Variants in BPIFB3 observed in about 807,000 individuals in gnomAD.
BPIFB3 encodes the protein BPI fold-containing family B member 3.
In BPIFB3, 49 loss-of-function variants were observed where a neutral mutation model predicts 53.1. The ratio of observed to expected loss-of-function variants is 0.92; its 90% CI spans 0.73 to 1.17. The LOEUF is 1.17. Among genes scored for constraint, BPIFB3 ranks in the 50% most tolerant of loss-of-function variants. The pLI, the probability that BPIFB3 is intolerant of heterozygous loss-of-function variation, is 0.00. For missense variants in BPIFB3, 628 were observed against 592.5 expected (o/e 1.06, Z -0.62); for synonymous variants, 271 against 269.6 (o/e 1.01, Z -0.05).
Position 33,060,033 on chromosome 20 carries a change from T to A in BPIFB3, c.527+2T>A. 6.2e-7 allele frequency: 1 copy of A among 1,613,494 alleles called. No homozygotes were observed. Among genetic ancestry groups the A allele is most frequent in the Non-Finnish European group, 8.5e-7 (1 of 1,179,712 alleles). On this transcript the variant is annotated splice_donor_variant, in intron 4 of 14. Transcript: ENST00000375494. LOFTEE classifies it high-confidence loss of function. ...GGGCCACATCAGCCTGTTCTCAGGG[T>A]GAGTCTGCAGGTTCCAGCCTGCAAC...
At chr20:33,064,737 C>T in exon 8 of BPIFB3, 1 of 1,614,166 alleles carries the variant, frequency 6.2e-7, no homozygotes, top group Non-Finnish European at 8.5e-7. Context: ...AGGTGCCCCC[C>T]AAGAAGGACC....
exon 2 of BPIFB3, chr20:33,056,698 G>A: frequency 6.3e-7 from 1 of 1,589,358 alleles, no homozygotes; most frequent in South Asian, 1.1e-5. Context: ...GAGCTCTCTG[G>A]GTGAGTCCCA....
chr20:33,069,042 T>C, intron 10 of BPIFB3, 69 bp downstream of exon 11: 2 of 1,518,150 alleles, frequency 1.3e-6, no homozygotes, highest in Non-Finnish European at 1.8e-6. Context: ...TCTCCAGGAC[T>C]GTGGAGGTAC....
chr20:33,071,176 ATGGTGGGGCAGGC>A (rs1980868958), intron 11 of BPIFB3, 64 bp from the exon 13 acceptor site: 3 of 1,049,536 alleles, frequency 2.9e-6, no homozygotes, highest in Non-Finnish European at 3.7e-6. Flanking sequence ...GATGAGAGCT[ATGGTGGGGCAGGC>A]TGGGGGTGGG....
exon 4 of BPIFB3, chr20:33,059,969 C>T: frequency 6.2e-7 from 1 of 1,614,162 alleles, no homozygotes; most frequent in Non-Finnish European, 8.5e-7. Flanking sequence ...GCTCAAGGGG[C>T]ACACCCATCC....
exon 7 of BPIFB3, chr20:33,064,489 G>A (rs1417570225): frequency 2.5e-6 from 4 of 1,614,106 alleles, no homozygotes; most frequent in Non-Finnish European, 3.4e-6. Context: ...TGGGTCCGTG[G>A]AATTCTCTCT....
At chr20:33,067,492 G>T (rs1025333570) in intron 9 of BPIFB3, among the ~76,000 whole-genome samples, 2 of 152,236 alleles carry the variant, frequency 1.3e-5, no homozygotes, top group Admixed American at 1.3e-4. Flanking sequence ...GGAAATGAAA[G>T]CTGGGTTTGG....
chr20:33,067,581 C>T (rs1980719177), intron 9 of BPIFB3, among the ~76,000 whole-genome samples: 1 of 152,212 alleles, frequency 6.6e-6, no homozygotes, highest in Non-Finnish European at 1.5e-5. Flanking sequence ...GGGGCCTCAG[C>T]TTTCCAGAGT....
rs184627829 is a variant in BPIFB3, at chr20:33,058,856, G to A, written c.282-522G>A. Among the ~76,000 whole-genome samples, 24 of 152,106 alleles carry A rather than the reference G, an allele frequency of 1.6e-4. No homozygotes were observed. The East Asian group carries it at 4.1e-3, about 26-fold the overall frequency. On this transcript the variant is annotated intron_variant, in intron 2 of 14. Coordinates refer to ENST00000375494, the Ensembl canonical transcript of BPIFB3. The stretch of plus-strand genomic sequence containing the variant: ...CTGGGAGGAGTCAGCAAGCTGAAGA[G>A]GGATGCAGAATGGAAGAAGGGTCAA...
intron 2 of BPIFB3, among the ~76,000 whole-genome samples, chr20:33,058,362 A>G (rs530899735): frequency 2.7e-4 from 41 of 152,170 alleles, no homozygotes; most frequent in Non-Finnish European, 5.4e-4. Flanking sequence ...CAATGTCCCT[A>G]TTTTACAGAT....
At chr20:33,058,687 T>C (rs974648024) in intron 2 of BPIFB3, among the ~76,000 whole-genome samples, 1 of 151,956 alleles carries the variant, frequency 6.6e-6, no homozygotes, top group Admixed American at 6.6e-5. Context: ...GAGCTCCTCA[T>C]AGGTGGTGGA....
In BPIFB3 at chr20:33,072,262, A is replaced by T. The variant is rs964050204; in HGVS notation, c.1324+95A>T. The T allele has an allele frequency of 1.3e-5, 17 of 1,314,062 alleles. No individual in the cohort carries two copies. In the African/African-American group the frequency reaches 2.5e-4, roughly 19 times the overall value. The allele number at this position is 1,314,062 out of a possible 1,614,324, so 81.4% of individuals were successfully genotyped here. A position where few individuals can be genotyped will look rare whatever the true frequency, so the allele number is the denominator to read the frequency against. ...CTTTATGGTTCTGATGGGGACACTG[A>T]GGCCAGAGAGAGAGGTCGATCCTCA... On this transcript the variant is annotated intron_variant, in intron 13 of 14. Transcript: ENST00000375494.
At chr20:33,061,631 C>T in intron 4 of BPIFB3, 137 bp from the exon 6 acceptor site, 1 of 803,214 alleles carries the variant, frequency 1.2e-6, no homozygotes, top group Non-Finnish European at 2.0e-6. Context: ...TAACTCAGGT[C>T]TCCAAAGCCG....
At chr20:33,072,231 G>A (rs1046167557) in intron 13 of BPIFB3, 64 bp downstream of exon 14, 3 of 1,535,824 alleles carry the variant, frequency 2.0e-6, no homozygotes, top group Non-Finnish European at 2.7e-6. Flanking sequence ...CTAGTCTGTT[G>A]CCTCTCTTTA....
exon 5 of BPIFB3, chr20:33,061,784 C>G: frequency 1.2e-6 from 2 of 1,614,228 alleles, no homozygotes; most frequent in Non-Finnish European, 1.7e-6. Context: ...GCCCACACCA[C>G]TCTTTGGGGT....
upstream of BPIFB3, chr20:33,055,373 G>A (rs765188284): frequency 1.2e-6 from 2 of 1,602,630 alleles, no homozygotes; most frequent in Non-Finnish European, 1.7e-6. Context: ...AGAGGGGAAA[G>A]GCTTGAGCAG....
intron 10 of BPIFB3, among the ~76,000 whole-genome samples, chr20:33,069,202 G>A (rs1167347615): frequency 6.6e-6 from 1 of 152,040 alleles, no homozygotes; most frequent in African/African-American, 2.4e-5. Flanking sequence ...GGCCTGTTTG[G>A]GCTGCCCACA....
In BPIFB3 at chr20:33,071,234, T is replaced by A; in HGVS notation, c.1218-19T>A. ...GTTGGGGGTAGCGGGGGCCCCAGCA[T>A]CTCTCTTCTCTCCACCAGGCTCAGT... On this transcript the variant is annotated intron_variant, in intron 11 of 14. Coordinates refer to ENST00000375494, the Ensembl canonical transcript of BPIFB3. 2 of 1,557,786 alleles carry A rather than the reference T, an allele frequency of 1.3e-6. No individual in the cohort carries two copies. Among genetic ancestry groups the A allele is most frequent in the Middle Eastern group, 1.7e-4 (1 of 5,930 alleles).
intron 5 of BPIFB3, among the ~76,000 whole-genome samples, chr20:33,062,756 C>T (rs531262594): frequency 7.5e-4 from 114 of 152,328 alleles, no homozygotes; most frequent in African/African-American, 2.7e-3. Context: ...CTGCCTGATA[C>T]CTCCCTCCTG....
Sources: gnomAD v4.1 joint callset for allele counts (sites outside exome capture counted in the v4.1 genomes callset) on GRCh38, gnomAD v4.1.1 for gene constraint, MANE v1.5 for transcripts, NCBI Gene and HGNC (gene_info 2026-07-23, HGNC 2026-07-21) for gene names.